PCDHA5: variants seen among roughly 807,000 people sequenced by gnomAD.
The protein encoded by PCDHA5 is protocadherin alpha-5.
In PCDHA5, 43 loss-of-function variants were observed where a neutral mutation model predicts 61.6. The observed-to-expected ratio is 0.70, with a 90% CI of 0.55 to 0.90. The LOEUF (loss-of-function observed/expected upper bound fraction) is 0.90, where lower values mean the gene tolerates loss of function less well. PCDHA5 is among the 40% of genes least tolerant of loss of function. The probability of loss-of-function intolerance (pLI) is 0.00; values close to 1 mark genes in which losing one functional copy is unlikely to be tolerated. For missense variants in PCDHA5, 1,298 were observed against 1,222.7 expected, an observed-to-expected ratio of 1.06 and a Z score of -0.92; for synonymous variants, 627 against 543.9, an observed-to-expected ratio of 1.15 and a Z score of -2.13.
intron 1 of PCDHA5, chr5:140,829,213 G>A (rs2150163973): frequency 6.2e-7 from 1 of 1,614,218 alleles, no homozygotes; most frequent in Non-Finnish European, 8.5e-7. Context: ...TAATTAGCGT[G>A]AACGACCTCG....
intron 1 of PCDHA5, chr5:140,834,473 G>C: frequency 6.2e-7 from 1 of 1,614,140 alleles, no homozygotes; most frequent in Non-Finnish European, 8.5e-7. Context: ...GGAGAGGCCA[G>C]CTCCACTACT....
intron 1 of PCDHA5, chr5:140,847,643 G>C (rs1219551940): frequency 6.7e-6 from 1 of 149,570 alleles, no homozygotes; most frequent in East Asian, 1.9e-4. Context: ...CTACAAAGAA[G>C]AGATTATTCA....
chr5:140,863,653 T>C (rs2048107718), intron 1 of PCDHA5: 1 of 297,060 alleles, frequency 3.4e-6, no homozygotes, highest in Admixed American at 4.5e-5. Flanking sequence ...ATTAATTTGA[T>C]TGCTTTATTT....
intron 3 of PCDHA5, among the ~76,000 whole-genome samples, chr5:140,992,004 G>A (rs1165725360): frequency 2.0e-5 from 3 of 147,598 alleles, no homozygotes; most frequent in Non-Finnish European, 3.0e-5. Context: ...TTCATGTTCA[G>A]GCAGAGGTGG....
At chr5:140,877,958 C>A in intron 1 of PCDHA5, 1 of 1,319,110 alleles carries the variant, frequency 7.6e-7, no homozygotes, top group Non-Finnish European at 1.0e-6. Flanking sequence ...AATGTCTCAT[C>A]TTTCTTGGTC....
chr5:140,839,214 T>TG (rs2150295462), intron 1 of PCDHA5, among the ~76,000 whole-genome samples: 88,381 of 151,600 alleles, frequency 0.58, 26,863 homozygotes, highest in African/African-American at 0.73. Context: ...CCTTCAAAGA[T>TG]GTAACTGTAA....
Position 140,822,452 on chromosome 5 carries a change from A to T in PCDHA5, c.677A>T (p.Gln226Leu), listed in dbSNP as rs2150116491. The T allele has an allele frequency of 1.2e-6, 2 of 1,613,774 alleles. No individual in the cohort carries two copies. The highest frequency in any genetic ancestry group is 1.7e-6 in the Non-Finnish European group (2 of 1,179,812). Residue 226 changes from glutamine (Q) to leucine (L), a missense_variant, in exon 1 of 4, where the codon CAG (glutamine) becomes CTG (leucine). By Grantham distance (113) the Gln-to-Leu change is moderately radical. Transcript: ENST00000529859. ...AAACCCGAACTAACAGGTACAGTTC[A>T]GTTGTTGATCAATGTATTGGATGCT... Reference protein sequence around the residue: ...GGKPELTGTVQLLINVLDAND... With the variant: ...GGKPELTGTVLLLINVLDAND...
intron 2 of PCDHA5, among the ~76,000 whole-genome samples, chr5:140,981,687 ATCATTCAT>A (rs200213847): frequency 3.3e-5 from 5 of 151,972 alleles, no homozygotes; most frequent in South Asian, 2.1e-4. Flanking sequence ...CCTCCCTTCC[ATCATTCAT>A]TCATTCATTC....
intron 1 of PCDHA5, chr5:140,855,854 T>A: frequency 1.5e-6 from 1 of 683,620 alleles, no homozygotes; most frequent in South Asian, 2.3e-5. Flanking sequence ...AGCCACCGGA[T>A]GTCGCTGTCG....
intron 1 of PCDHA5, chr5:140,871,714 T>G (rs938500670): frequency 2.5e-6 from 2 of 805,644 alleles, no homozygotes; most frequent in African/African-American, 3.5e-5. Context: ...AATGTCCTAT[T>G]TCTCTTAATA....
intron 3 of PCDHA5, among the ~76,000 whole-genome samples, chr5:140,984,053 TC>T (rs2097083610): frequency 6.6e-6 from 1 of 152,154 alleles, no homozygotes; most frequent in Non-Finnish European, 1.5e-5. Flanking sequence ...CATTGACAAA[TC>T]TGTACCCTCA....
In PCDHA5 at chr5:141,009,782, C is replaced by G; in HGVS notation, c.2656C>G (p.Arg886Gly). ...AGGATCTCCTGCAATCATCTCCATC[C>G]GGCAGGAGCCTACTAACAGCCAAAT... ...IPGSPAIISI[R>G]QEPTNSQIDK... Residue 886 changes from arginine to glycine, a missense_variant, in exon 4 of 4, where the codon CGG becomes GGG. By Grantham distance (125) the Arg-to-Gly change is moderately radical. Transcript: ENST00000529859. 1.2e-6 allele frequency: 2 copies of G among 1,614,074 alleles called. No homozygotes were observed. Among genetic ancestry groups the G allele is most frequent in the Non-Finnish European group, 1.7e-6 (2 of 1,180,012 alleles).
chr5:140,829,347 C>G (rs1475492730), intron 1 of PCDHA5: 2 of 1,614,232 alleles, frequency 1.2e-6, no homozygotes, highest in Non-Finnish European at 1.7e-6. Flanking sequence ...GAGAGCGTGT[C>G]GGCCTATGAG....
intron 1 of PCDHA5, chr5:140,883,058 C>T (rs782098362): frequency 6.2e-7 from 1 of 1,614,074 alleles, no homozygotes; most frequent in Admixed American, 1.7e-5. Flanking sequence ...AGTGATCAAG[C>T]TAAATGCCAC....
Position 140,834,561 on chromosome 5 carries a change from G to A in PCDHA5, c.2352+10434G>A, listed in dbSNP as rs2150221029. ...CCTGGGGCTGGAGCTGGCGGAGCTG[G>A]TGCCGCGCCTGTTCCGGGCGGTGTG... On this transcript the variant is annotated intron_variant, in intron 1 of 3. Coordinates refer to ENST00000529859, the MANE Select transcript of PCDHA5 (RefSeq NM_018908.3). 3.5e-5 allele frequency: 56 copies of A among 1,614,112 alleles called. No homozygotes were observed. Among genetic ancestry groups the A allele is most frequent in the Admixed American group, 1.5e-4 (9 of 60,010 alleles).
rs1053041034 is a variant in PCDHA5 at position 141,011,123 on chromosome 5, T to G, written c.*1186T>G. ...CTCTCTCTTTTCTAAGAAACAATTA[T>G]GTGCACTTTGATACACAACCTTCTC... is the stretch of plus-strand genomic sequence containing the variant. On this transcript the variant is annotated 3_prime_UTR_variant, in exon 4 of 4. Coordinates refer to ENST00000529859, the MANE Select transcript of PCDHA5 (RefSeq NM_018908.3). 3 of 153,884 alleles carry G rather than the reference T, an allele frequency of 1.9e-5. No homozygotes were observed. The Admixed American group carries it at 2.0e-4, about 10-fold the overall frequency. The allele number at this position is 153,884 out of a possible 1,614,324, so 9.5% of individuals were successfully genotyped here.
chr5:140,907,136 G>A (rs115442963), intron 1 of PCDHA5, among the ~76,000 whole-genome samples: 1,721 of 152,234 alleles, frequency 0.011, 29 homozygotes, highest in African/African-American at 0.038. Flanking sequence ...TGTGAATTCC[G>A]GCTATGGGAG....
At position 140,835,736 on chromosome 5, in the gene PCDHA5, C is replaced by T. The variant is rs2150243450; in HGVS notation, c.2352+11609C>T. ...TGGAGGTGGCCGACGTGAACGACAACGCCCCGGCGTTCGCGCAGCCCGAGT... is the reference window on the plus strand; with the variant it reads ...TGGAGGTGGCCGACGTGAACGACAATGCCCCGGCGTTCGCGCAGCCCGAGT... On this transcript the variant is annotated intron_variant, in intron 1 of 3. Coordinates refer to ENST00000529859, the MANE Select transcript of PCDHA5 (RefSeq NM_018908.3). 7.4e-6 allele frequency: 12 copies of T among 1,613,586 alleles called. No individual in the cohort carries two copies. The African/African-American group carries it at 8.0e-5, about 11-fold the overall frequency.
At chr5:140,905,669 A>T (rs781948009) in intron 1 of PCDHA5, among the ~76,000 whole-genome samples, 1 of 152,228 alleles carries the variant, frequency 6.6e-6, no homozygotes, top group Non-Finnish European at 1.5e-5. Flanking sequence ...ATCCATTAAC[A>T]TGGAACATAT....
Sources: gnomAD v4.1 joint callset for allele counts (sites outside exome capture counted in the v4.1 genomes callset) on GRCh38, gnomAD v4.1.1 for gene constraint, MANE v1.5 for transcripts, NCBI Gene and HGNC (gene_info 2026-07-23, HGNC 2026-07-21) for gene names.